Variants in PRELID2 observed in about 807,000 individuals in gnomAD.
The protein encoded by PRELID2 is PRELI domain-containing protein 2.
Under a neutral mutation model 28.4 loss-of-function variants are expected in PRELID2, and 25 were observed. That is an observed-to-expected ratio of 0.88 (90% CI 0.64 to 1.23). The LOEUF (loss-of-function observed/expected upper bound fraction) is 1.23. Ranked by LOEUF, PRELID2 falls within the 50% of genes most tolerant of loss-of-function variation. The pLI, the probability that PRELID2 is intolerant of heterozygous loss-of-function variation, is 0.00. For synonymous variants in PRELID2, 76 were observed against 71.6 expected (o/e 1.06, Z -0.31); for missense variants, 201 against 214.4 (o/e 0.94, Z 0.39).
At chr5:145,310,857 C>CT in the PRELID2 span, among the ~76,000 whole-genome samples, 25 of 148,368 alleles carry the variant, frequency 1.7e-4, no homozygotes, top group African/African-American at 2.5e-4. Context: ...TTTCATCTCC[C>CT]TTTTTTTTTT....
At chr5:145,287,015 T>A in the PRELID2 span, among the ~76,000 whole-genome samples, 3 of 152,022 alleles carry the variant, frequency 2.0e-5, no homozygotes, top group African/African-American at 7.3e-5. Flanking sequence ...TGGCCAGAAC[T>A]TCTTATTGTT....
At chr5:145,248,503 C>T in the PRELID2 span, among the ~76,000 whole-genome samples, 5 of 151,966 alleles carry the variant, frequency 3.3e-5, no homozygotes, top group African/African-American at 1.2e-4. Flanking sequence ...TTTGTAAAAT[C>T]ATATAAGTTG....
the PRELID2 span, among the ~76,000 whole-genome samples, chr5:145,291,337 G>GAAAAAA: frequency 4.8e-5 from 2 of 41,742 alleles, no homozygotes; most frequent in African/African-American, 8.0e-5. Flanking sequence ...CTCTGTTTCA[G>GAAAAAA]AAAAAAAAAA....
At chr5:145,248,380 T>C in the PRELID2 span, among the ~76,000 whole-genome samples, 1 of 152,144 alleles carries the variant, frequency 6.6e-6, no homozygotes, top group African/African-American at 2.4e-5. Flanking sequence ...AAAATTATGA[T>C]TATAAAAATG....
the PRELID2 span, among the ~76,000 whole-genome samples, chr5:145,441,851 C>T: frequency 6.6e-6 from 1 of 152,232 alleles, no homozygotes; most frequent in African/African-American, 2.4e-5. Context: ...GCAGCTGCCA[C>T]CACTAGAACC....
the PRELID2 span, among the ~76,000 whole-genome samples, chr5:145,463,586 G>A: frequency 1.7e-3 from 253 of 152,044 alleles, no homozygotes; most frequent in Middle Eastern, 6.8e-3. Context: ...ACTTCATAAC[G>A]GGAAGGACTC....
intron 1 of PRELID2, among the ~76,000 whole-genome samples, chr5:145,699,866 T>A (rs917734694): frequency 8.5e-5 from 13 of 152,148 alleles, no homozygotes; most frequent in East Asian, 7.7e-4. Context: ...AAACAGACCC[T>A]GGTGTTTGGT....
intron 1 of PRELID2, among the ~76,000 whole-genome samples, chr5:145,662,972 A>C (rs2149678280): frequency 6.6e-6 from 1 of 152,290 alleles, no homozygotes. Context: ...GTGAAAATAT[A>C]ATGGCTTCTC....
the PRELID2 span, among the ~76,000 whole-genome samples, chr5:145,446,795 T>A: frequency 2.0e-5 from 3 of 151,962 alleles, no homozygotes; most frequent in African/African-American, 4.8e-5. Context: ...GCCTGTAATA[T>A]CAGCACTTTG....
chr5:145,416,829 C>A, the PRELID2 span, among the ~76,000 whole-genome samples: 3 of 151,848 alleles, frequency 2.0e-5, no homozygotes, highest in South Asian at 2.1e-4. Flanking sequence ...ATGAAAAATC[C>A]TTCAAGAAAA....
chr5:145,688,623 A>G (rs1755083678), intron 1 of PRELID2, among the ~76,000 whole-genome samples: 1 of 152,212 alleles, frequency 6.6e-6, no homozygotes, highest in Non-Finnish European at 1.5e-5. Flanking sequence ...AGAGTTACCC[A>G]GTTAAAAGGG....
At chr5:145,797,857 A>C (rs1421188473) in intron 4 of PRELID2, among the ~76,000 whole-genome samples, 1 of 152,024 alleles carries the variant, frequency 6.6e-6, no homozygotes, top group Non-Finnish European at 1.5e-5. Context: ...GAAACAAAAT[A>C]AATCTCTAGA....
intron 4 of PRELID2, among the ~76,000 whole-genome samples, chr5:145,816,484 A>T (rs1207586836): frequency 6.6e-6 from 1 of 152,136 alleles, no homozygotes; most frequent in Non-Finnish European, 1.5e-5. Flanking sequence ...TTTTGCTATC[A>T]TATCTAAGAA....
At chr5:145,422,917 G>A in the PRELID2 span, among the ~76,000 whole-genome samples, 2 of 151,128 alleles carry the variant, frequency 1.3e-5, no homozygotes, top group Admixed American at 6.6e-5. Context: ...AAGAGCTCTT[G>A]TAAGGCAGGC....
chr5:145,312,391 T>C, the PRELID2 span, among the ~76,000 whole-genome samples: 4 of 152,222 alleles, frequency 2.6e-5, no homozygotes, highest in Admixed American at 2.6e-4. Context: ...AATTTTCAAC[T>C]ATACAATACA....
chr5:145,709,795 A>G (rs1755644933), intron 1 of PRELID2, among the ~76,000 whole-genome samples: 1 of 152,184 alleles, frequency 6.6e-6, no homozygotes, highest in Non-Finnish European at 1.5e-5. Context: ...TTAGCTCCTC[A>G]TTCAGAAGGC....
the PRELID2 span, among the ~76,000 whole-genome samples, chr5:145,406,680 A>G: frequency 6.6e-6 from 1 of 152,188 alleles, no homozygotes; most frequent in Non-Finnish European, 1.5e-5. Context: ...GGAAAACCAA[A>G]AGAATTCACA....
intron 1 of PRELID2, among the ~76,000 whole-genome samples, chr5:145,595,507 T>C (rs917013026): frequency 3.3e-5 from 5 of 152,182 alleles, no homozygotes; most frequent in Admixed American, 3.3e-4. Context: ...CACTGATTAA[T>C]TCAACAAATT....
At chr5:145,368,544 T>G in the PRELID2 span, among the ~76,000 whole-genome samples, 1 of 151,906 alleles carries the variant, frequency 6.6e-6, no homozygotes, top group Non-Finnish European at 1.5e-5. Flanking sequence ...CTCCCTAATA[T>G]ATACTTAGTA....
Sources: gnomAD v4.1 joint callset for allele counts (sites outside exome capture counted in the v4.1 genomes callset) on GRCh38, gnomAD v4.1.1 for gene constraint, MANE v1.5 for transcripts, NCBI Gene and HGNC (gene_info 2026-07-23, HGNC 2026-07-21) for gene names.